IL1RAPL2: variants seen among roughly 807,000 people sequenced by gnomAD.
IL1RAPL2 encodes the protein X-linked interleukin-1 receptor accessory protein-like 2.
Under a neutral mutation model 44.1 loss-of-function variants are expected in IL1RAPL2, and 3 were observed. The observed-to-expected ratio is 0.07, with a 90% CI of 0.03 to 0.18. IL1RAPL2 has a LOEUF of 0.18. IL1RAPL2 is among the 10% of genes least tolerant of loss of function. IL1RAPL2 has a pLI of 1.00. For synonymous variants in IL1RAPL2, 181 were observed against 178.8 expected, an observed-to-expected ratio of 1.01 and a Z score of -0.10; for missense variants, 391 against 496.4, an observed-to-expected ratio of 0.79 and a Z score of 2.02.
intron 2 of IL1RAPL2, among the ~76,000 whole-genome samples, chrX:105,121,855 A>C (rs2032928575): frequency 9.0e-6 from 1 of 111,541 alleles, no homozygotes; most frequent in African/African-American, 3.3e-5. Context: ...CAATATTTAT[A>C]ATACTAATTG....
At chrX:104,610,679 A>G (rs1269610599) in intron 1 of IL1RAPL2, among the ~76,000 whole-genome samples, 1 of 112,004 alleles carries the variant, frequency 8.9e-6, no homozygotes, top group Non-Finnish European at 1.9e-5. Flanking sequence ...GGAAGAATCA[A>G]TATCTTGAAA....
At chrX:105,428,612 C>A (rs1483515625) in intron 5 of IL1RAPL2, among the ~76,000 whole-genome samples, 12 of 111,824 alleles carry the variant, frequency 1.1e-4, no homozygotes, top group African/African-American at 3.9e-4. Flanking sequence ...TTTACAATTT[C>A]CAACATACAT....
At chrX:104,885,942 C>T (rs1034680221) in intron 2 of IL1RAPL2, among the ~76,000 whole-genome samples, 1 of 112,932 alleles carries the variant, frequency 8.9e-6, no homozygotes, top group Admixed American at 9.3e-5. Flanking sequence ...AACAACAGGA[C>T]CGAGGGTGCC....
At chrX:105,297,130 A>G (rs1030200383) in intron 5 of IL1RAPL2, among the ~76,000 whole-genome samples, 2 of 112,229 alleles carry the variant, frequency 1.8e-5, no homozygotes, top group African/African-American at 6.5e-5. Flanking sequence ...TATGAGGTGA[A>G]AGATTTGGGG....
At chrX:105,670,113 A>G (rs1425276114) in intron 6 of IL1RAPL2, among the ~76,000 whole-genome samples, 1 of 33,791 alleles carries the variant, frequency 3.0e-5, no homozygotes, top group African/African-American at 1.5e-4. Flanking sequence ...CTGTATATAT[A>G]TATATATATA....
intron 5 of IL1RAPL2, among the ~76,000 whole-genome samples, chrX:105,449,855 G>A (rs2036006682): frequency 8.9e-6 from 1 of 112,140 alleles, no homozygotes; most frequent in Non-Finnish European, 1.9e-5. Flanking sequence ...TCTGTGCTGA[G>A]CTCCCTAGAA....
At chrX:104,713,114 T>A (rs1931489913) in intron 2 of IL1RAPL2, among the ~76,000 whole-genome samples, 1 of 110,751 alleles carries the variant, frequency 9.0e-6, no homozygotes, top group Non-Finnish European at 1.9e-5. Flanking sequence ...GAGCAAATTA[T>A]GTACTGCATG....
chrX:105,219,560 G>C, intron 3 of IL1RAPL2: 1 of 1,209,029 alleles, frequency 8.3e-7, no homozygotes, highest in Non-Finnish European at 1.1e-6. Flanking sequence ...TCCACAGGGG[G>C]AGCCATGGCC....
chrX:104,972,054 T>C (rs1442977556), intron 2 of IL1RAPL2, among the ~76,000 whole-genome samples: 1 of 111,815 alleles, frequency 8.9e-6, no homozygotes, highest in African/African-American at 3.3e-5. Flanking sequence ...GTCTATTCTT[T>C]GCTTCCAAGT....
intron 5 of IL1RAPL2, among the ~76,000 whole-genome samples, chrX:105,364,733 AT>A (rs1273410856): frequency 1.8e-5 from 2 of 111,255 alleles, no homozygotes; most frequent in Non-Finnish European, 1.9e-5. Flanking sequence ...AATGCTACTT[AT>A]TTTGTATGTT....
At chrX:105,320,820 G>A (rs1018766323) in intron 5 of IL1RAPL2, among the ~76,000 whole-genome samples, 1 of 111,903 alleles carries the variant, frequency 8.9e-6, no homozygotes, top group African/African-American at 3.3e-5. Flanking sequence ...GGAGCCCATG[G>A]AGAGAGGTGA....
At chrX:105,707,642 G>T (rs1373422923) in intron 6 of IL1RAPL2, among the ~76,000 whole-genome samples, 1 of 111,806 alleles carries the variant, frequency 8.9e-6, no homozygotes, top group Admixed American at 9.5e-5. Context: ...TACAATGTTT[G>T]TGGCTTCAAA....
chrX:105,109,033 CTT>C (rs1378779617), intron 2 of IL1RAPL2, among the ~76,000 whole-genome samples: 1 of 111,859 alleles, frequency 8.9e-6, no homozygotes, highest in Non-Finnish European at 1.9e-5. Flanking sequence ...TCAGCATTCT[CTT>C]TCTCTCTCCC....
At chrX:104,804,007 C>T (rs1396527357) in intron 2 of IL1RAPL2, 1 of 113,421 alleles carries the variant, frequency 8.8e-6, no homozygotes, top group Non-Finnish European at 1.9e-5. Flanking sequence ...ACATGCAAAT[C>T]TTTGCACTTA....
At chrX:105,447,122 T>A (rs2035964824) in intron 5 of IL1RAPL2, among the ~76,000 whole-genome samples, 5 of 57,294 alleles carry the variant, frequency 8.7e-5, no homozygotes, top group Non-Finnish European at 1.3e-4. Flanking sequence ...TATATATAAA[T>A]ATAAATATAT....
At chrX:105,523,051 C>T (rs2036570327) in intron 6 of IL1RAPL2, among the ~76,000 whole-genome samples, 2 of 111,432 alleles carry the variant, frequency 1.8e-5, no homozygotes, top group Admixed American at 1.9e-4. Flanking sequence ...CATATCTTTT[C>T]ACCATGTTCT....
chrX:104,968,288 C>G (rs2030164697), intron 2 of IL1RAPL2, among the ~76,000 whole-genome samples: 1 of 111,470 alleles, frequency 9.0e-6, no homozygotes, highest in Non-Finnish European at 1.9e-5. Flanking sequence ...AATTATATCA[C>G]CATCTCAATA....
intron 9 of IL1RAPL2, among the ~76,000 whole-genome samples, chrX:105,754,501 C>T (rs1003139842): frequency 4.5e-5 from 5 of 112,358 alleles, no homozygotes; most frequent in African/African-American, 1.6e-4. Flanking sequence ...CAATACTGGA[C>T]GGATGTATAT....
At chrX:104,733,636 A>ATAATAG (rs1376673431) in intron 2 of IL1RAPL2, among the ~76,000 whole-genome samples, 2 of 106,895 alleles carry the variant, frequency 1.9e-5, no homozygotes, top group African/African-American at 6.7e-5. Context: ...AATAATAATA[A>ATAATAG]TAATAATAAT....
Sources: allele counts gnomAD v4.1 joint callset (sites outside exome capture counted in the v4.1 genomes callset), GRCh38; gene constraint gnomAD v4.1.1; transcripts MANE v1.5; gene names NCBI Gene and HGNC (gene_info 2026-07-23, HGNC 2026-07-21).